Variants in CYFIP2 observed in about 807,000 individuals in gnomAD.
CYFIP2 encodes the protein cytoplasmic FMR1-interacting protein 2.
A neutral mutation model predicts 158.7 loss-of-function variants in CYFIP2; 29 were observed. The ratio of observed to expected loss-of-function variants is 0.18; its 90% CI spans 0.14 to 0.25. The LOEUF is 0.25. Among genes scored for constraint, CYFIP2 ranks in the 10% least tolerant of loss-of-function variants. The probability of loss-of-function intolerance (pLI) is 1.00; values close to 1 mark genes in which losing one functional copy is unlikely to be tolerated. For synonymous variants in CYFIP2, 585 were observed against 617.6 expected (o/e 0.95, Z 0.78); for missense variants, 852 against 1,639.5 (o/e 0.52, Z 8.29).
chr5:157,296,414 T>G, intron 4 of CYFIP2: 1 of 447,302 alleles, frequency 2.2e-6, no homozygotes, highest in South Asian at 1.7e-5. Flanking sequence ...GGCAACATAG[T>G]GAGACACCAT....
chr5:157,308,530 T>A (rs902663344), intron 9 of CYFIP2, among the ~76,000 whole-genome samples: 36 of 152,188 alleles, frequency 2.4e-4, no homozygotes, highest in Admixed American at 2.4e-3. Flanking sequence ...CTCAGTTTAT[T>A]CTAGCATTGG....
At chr5:157,310,597 C>T (rs1032748661) in intron 10 of CYFIP2, among the ~76,000 whole-genome samples, 3 of 152,224 alleles carry the variant, frequency 2.0e-5, no homozygotes, top group Non-Finnish European at 4.4e-5. Context: ...CGGGGTTTTG[C>T]AGGAAAAGCA....
chr5:157,269,822 T>C (rs757620280), intron 1 of CYFIP2, among the ~76,000 whole-genome samples: 1 of 152,222 alleles, frequency 6.6e-6, no homozygotes, highest in Admixed American at 6.5e-5. Flanking sequence ...GATGGCCTTG[T>C]CTGTACAAAG....
intron 22 of CYFIP2, among the ~76,000 whole-genome samples, chr5:157,340,006 G>A (rs1762132119): frequency 6.6e-6 from 1 of 152,204 alleles, no homozygotes; most frequent in Non-Finnish European, 1.5e-5. Flanking sequence ...TTGTATGTTT[G>A]TAAGGATATC....
intron 20 of CYFIP2, among the ~76,000 whole-genome samples, chr5:157,331,245 G>A (rs984612305): frequency 6.6e-6 from 1 of 151,776 alleles, no homozygotes; most frequent in African/African-American, 2.4e-5. Flanking sequence ...AGCATGTCAG[G>A]GCAAATCCAC....
At chr5:157,368,479 C>G (rs1433971751) in intron 26 of CYFIP2, among the ~76,000 whole-genome samples, 2 of 152,176 alleles carry the variant, frequency 1.3e-5, no homozygotes, top group African/African-American at 2.4e-5. Context: ...TGTCCTGTCC[C>G]TTTGCCCAGG....
At chr5:157,271,475 T>A (rs899643823) in intron 1 of CYFIP2, 3 of 152,640 alleles carry the variant, frequency 2.0e-5, no homozygotes, top group African/African-American at 7.2e-5. Context: ...CCAACTCTGC[T>A]CCATTCCTGC....
intron 11 of CYFIP2, among the ~76,000 whole-genome samples, chr5:157,313,822 C>T (rs1404802422): frequency 1.3e-5 from 2 of 152,156 alleles, no homozygotes; most frequent in African/African-American, 4.8e-5. Flanking sequence ...ATCAGTGATT[C>T]ATGTCTAATG....
chr5:157,269,931 T>G (rs1486709795), intron 1 of CYFIP2, among the ~76,000 whole-genome samples: 1 of 152,200 alleles, frequency 6.6e-6, no homozygotes, highest in African/African-American at 2.4e-5. Flanking sequence ...AAGGGCTGTG[T>G]GTGATGTACC....
chr5:157,382,183 C>T (rs1358651715), intron 26 of CYFIP2, among the ~76,000 whole-genome samples: 1 of 152,186 alleles, frequency 6.6e-6, no homozygotes, highest in Non-Finnish European at 1.5e-5. Flanking sequence ...GAAGACTGAC[C>T]TAGCCACCTG....
intron 7 of CYFIP2, 195 bp downstream of exon 7, chr5:157,303,085 C>CCATAACTTACTATG: frequency 1.9e-6 from 1 of 538,136 alleles, no homozygotes. Context: ...TTCACCCTCT[C>CCATAACTTACTATG]CAGTTGTCAT....
At chr5:157,307,903 G>A (rs1461983960) in intron 9 of CYFIP2, 38 bp downstream of exon 9, 5 of 1,208,162 alleles carry the variant, frequency 4.1e-6, no homozygotes. Context: ...GAGGGCTGAG[G>A]TTACCAGCGC....
chr5:157,376,713 C>T (rs540997710), intron 26 of CYFIP2: 82 of 273,612 alleles, frequency 3.0e-4, no homozygotes, highest in African/African-American at 1.7e-3. Flanking sequence ...CTGAAGTCTC[C>T]GGAAGGGTCT....
intron 26 of CYFIP2, chr5:157,376,270 TCTC>T (rs1561780811): frequency 1.3e-5 from 2 of 152,254 alleles, no homozygotes; most frequent in African/African-American, 4.8e-5. Context: ...GTCAGCAACT[TCTC>T]CTATTGCACC....
intron 20 of CYFIP2, among the ~76,000 whole-genome samples, chr5:157,333,076 C>T (rs961837001): frequency 5.3e-5 from 8 of 152,166 alleles, no homozygotes; most frequent in South Asian, 2.1e-4. Flanking sequence ...GAGAGCTTCC[C>T]GCCAGGCCGT....
At chr5:157,314,634 T>G (rs1759996542) in intron 12 of CYFIP2, among the ~76,000 whole-genome samples, 171 bp downstream of exon 12, 1 of 152,208 alleles carries the variant, frequency 6.6e-6, no homozygotes, top group Non-Finnish European at 1.5e-5. Flanking sequence ...TCCGCAGAGT[T>G]GTATAGCCAC....
intron 8 of CYFIP2, among the ~76,000 whole-genome samples, chr5:157,304,988 T>C (rs977393950): frequency 1.3e-5 from 2 of 152,162 alleles, no homozygotes; most frequent in Non-Finnish European, 2.9e-5. Context: ...CTCCCACTTA[T>C]AAATGAGAAC....
At chr5:157,333,709 A>G (rs1761652943) in intron 21 of CYFIP2, among the ~76,000 whole-genome samples, 1 of 152,196 alleles carries the variant, frequency 6.6e-6, no homozygotes, top group Non-Finnish European at 1.5e-5. Flanking sequence ...GCATGTCCTT[A>G]GGATCCTGCA....
At chr5:157,309,692 C>T (rs1478745923) in intron 9 of CYFIP2, 51 bp from the exon 10 acceptor site, 7 of 1,536,446 alleles carry the variant, frequency 4.6e-6, no homozygotes, top group African/African-American at 2.7e-5. Flanking sequence ...CGAAGGCAGC[C>T]ACCCCAACCC....
Sources: allele counts gnomAD v4.1 joint callset (sites outside exome capture counted in the v4.1 genomes callset), GRCh38; gene constraint gnomAD v4.1.1; transcripts MANE v1.5; gene names NCBI Gene and HGNC (gene_info 2026-07-23, HGNC 2026-07-21).